FBXO9: variants seen among roughly 807,000 people sequenced by gnomAD.
FBXO9 encodes the protein F-box protein 9, also known as F-box only protein 9.
In FBXO9, 43 loss-of-function variants were observed where a neutral mutation model predicts 63.7. The ratio of observed to expected loss-of-function variants is 0.67; its 90% CI spans 0.53 to 0.87. The LOEUF is 0.87. Among genes scored for constraint, FBXO9 ranks in the 40% least tolerant of loss-of-function variants. FBXO9 has a pLI of 0.00. For missense variants in FBXO9, 442 were observed against 533.2 expected (o/e 0.83, Z 1.68); for synonymous variants, 156 against 171.7 (o/e 0.91, Z 0.72).
At chr6:53,078,974 G>A (rs1417115460) in intron 5 of FBXO9, 76 bp downstream of exon 5, 2 of 1,046,392 alleles carry the variant, frequency 1.9e-6, no homozygotes, top group Non-Finnish European at 3.0e-6. Context: ...TGACTCTTAA[G>A]ATGGTGCTAA....
At position 53,078,848 on chromosome 6, in the gene FBXO9, C is replaced by CA; in HGVS notation, c.359dup (p.Ile121AspfsTer10). 6.2e-7 allele frequency: 1 copy of CA among 1,613,828 alleles called. No homozygotes were observed. The highest frequency in any genetic ancestry group is 8.5e-7 in the Non-Finnish European group (1 of 1,179,800). ...TGCAACTTGTACCTGATATAGAGTT[C>CA]AAGATTACTTATACCCGGTCTCCAG... On this transcript the variant is annotated frameshift_variant, in exon 5 of 13. Coordinates refer to ENST00000323557, the MANE Select transcript of FBXO9 (RefSeq NM_033480.3). LOFTEE classifies it high-confidence loss of function.
chr6:53,071,461 C>A (rs1768913095), intron 2 of FBXO9, among the ~76,000 whole-genome samples: 1 of 152,062 alleles, frequency 6.6e-6, no homozygotes, highest in Admixed American at 6.5e-5. Flanking sequence ...GAAAAGGCAT[C>A]ATAAATAAAG....
At chr6:53,075,133 A>G (rs916737850) in intron 3 of FBXO9, among the ~76,000 whole-genome samples, 14 of 151,694 alleles carry the variant, frequency 9.2e-5, no homozygotes, top group Non-Finnish European at 1.9e-4. Context: ...ATTTAATTTA[A>G]TTAATTTATT....
intron 1 of FBXO9, chr6:53,066,155 G>A: frequency 1.9e-6 from 2 of 1,059,624 alleles, no homozygotes; most frequent in African/African-American, 1.7e-5. Context: ...ATTGAGGTAA[G>A]CTGTCACAGC....
At chr6:53,065,058 A>G (rs1433784117), upstream of FBXO9, 3 of 152,216 alleles carry the variant, frequency 2.0e-5, no homozygotes, top group Non-Finnish European at 4.4e-5. Context: ...CTGTTGAGAA[A>G]TTTCACTGTT....
rs535200900 is a variant in FBXO9, at chr6:53,100,474, C to G, written c.*2644C>G. ...GAGCACCATCATGTTTAATTGCCTC[C>G]TCCTGTCTTGCATTTTCCTCCCAGC... is the stretch of plus-strand genomic sequence containing the variant. On this transcript the variant is annotated 3_prime_UTR_variant, in exon 13 of 13. Coordinates refer to ENST00000323557, the MANE Select transcript of FBXO9 (RefSeq NM_033480.3). The G allele has an allele frequency of 2.6e-5, 4 of 152,188 alleles. No individual in the cohort carries two copies. The highest frequency in any genetic ancestry group is 5.9e-5 in the Non-Finnish European group (4 of 68,066). 9.4% of individuals were successfully genotyped at this position (152,188 alleles called of 1,614,324 possible).
At chr6:53,068,511 A>G (rs182110842) in intron 1 of FBXO9, among the ~76,000 whole-genome samples, 14 of 152,304 alleles carry the variant, frequency 9.2e-5, no homozygotes, top group Admixed American at 9.2e-4. Flanking sequence ...TCTTTACAAA[A>G]GCATTTACTA....
Position 53,100,446 on chromosome 6 carries a change from C to G in FBXO9, c.*2616C>G, listed in dbSNP as rs899352200. On this transcript the variant is annotated 3_prime_UTR_variant, in exon 13 of 13. Transcript: ENST00000323557. ...GAAGATATCCTCAGAGGGAATCTGGCCTGAGCACCATCATGTTTAATTGCC... is the reference window on the plus strand; with the variant it reads ...GAAGATATCCTCAGAGGGAATCTGGGCTGAGCACCATCATGTTTAATTGCC... 1 of 152,190 alleles carries G rather than the reference C, an allele frequency of 6.6e-6. No individual in the cohort carries two copies. The highest frequency in any genetic ancestry group is 1.5e-5 in the Non-Finnish European group (1 of 68,054). The allele number at this position is 152,190 out of a possible 1,614,324, so 9.4% of individuals were successfully genotyped here. A position where few individuals can be genotyped will look rare whatever the true frequency, so the allele number is the denominator to read the frequency against.
intron 7 of FBXO9, among the ~76,000 whole-genome samples, chr6:53,088,033 A>G (rs1183972361): frequency 2.0e-5 from 3 of 152,210 alleles, no homozygotes; most frequent in Non-Finnish European, 4.4e-5. Context: ...CTTTAGGACA[A>G]AAATCTACCA....
chr6:53,078,286 TCTA>T (rs1263453633), intron 4 of FBXO9, among the ~76,000 whole-genome samples: 1 of 152,086 alleles, frequency 6.6e-6, no homozygotes, highest in African/African-American at 2.4e-5. Flanking sequence ...AGATGTTGTC[TCTA>T]CAAAAAATTT....
At chr6:53,066,252 C>T in intron 1 of FBXO9, 3 of 576,470 alleles carry the variant, frequency 5.2e-6, no homozygotes, top group Non-Finnish European at 4.4e-6. Flanking sequence ...ACAGTCCCTG[C>T]CGGCACCTTG....
At chr6:53,097,242 A>G (rs1203129385) in intron 12 of FBXO9, among the ~76,000 whole-genome samples, 1 of 152,184 alleles carries the variant, frequency 6.6e-6, no homozygotes, top group Non-Finnish European at 1.5e-5. Context: ...ACATTTTAAG[A>G]AGAACCTAAT....
At chr6:53,092,254 T>C (rs909398218) in intron 7 of FBXO9, 175 bp from the exon 8 acceptor site, 13 of 554,090 alleles carry the variant, frequency 2.3e-5, no homozygotes, top group African/African-American at 2.3e-4. Context: ...CCTCTCAATT[T>C]GCTTTCCCAC....
chr6:53,077,370 G>A (rs1020911664), intron 4 of FBXO9, among the ~76,000 whole-genome samples: 1 of 148,476 alleles, frequency 6.7e-6, no homozygotes, highest in Non-Finnish European at 1.5e-5. Flanking sequence ...CTACTTGGGA[G>A]GCTGAGGCAG....
At chr6:53,094,792 G>A (rs1201537977) in intron 11 of FBXO9, 1 of 438,594 alleles carries the variant, frequency 2.3e-6, no homozygotes, top group Non-Finnish European at 4.6e-6. Context: ...GGCAGCAGCA[G>A]CCTGAGAGAC....
chr6:53,076,446 A>G, intron 3 of FBXO9, 40 bp from the exon 4 acceptor site: 1 of 1,333,428 alleles, frequency 7.5e-7, no homozygotes, highest in African/African-American at 1.5e-5. Context: ...ACTAATTTTT[A>G]ATGCAGGTTT....
intron 7 of FBXO9, chr6:53,091,397 C>G (rs1337092410): frequency 1.3e-5 from 2 of 151,512 alleles, no homozygotes; most frequent in African/African-American, 4.9e-5. Context: ...GAGACGGAGT[C>G]TCGCCCTGTC....
chr6:53,082,085 C>A (rs1422176404), intron 6 of FBXO9, among the ~76,000 whole-genome samples: 1 of 151,952 alleles, frequency 6.6e-6, no homozygotes, highest in Non-Finnish European at 1.5e-5. Flanking sequence ...AAAAGAAATT[C>A]ATGTATTTTT....
In FBXO9 at chr6:53,071,054, C is replaced by T. The variant is rs989988566; in HGVS notation, c.4-3C>T. On this transcript the variant is annotated splice_region_variant and splice_polypyrimidine_tract_variant and intron_variant, in intron 1 of 12. Coordinates refer to ENST00000323557, the MANE Select transcript of FBXO9 (RefSeq NM_033480.3). ...TGACATTATTTGGGTTTTCCCCCCT[C>T]AGGCAGAAGCTGAGGAAGATTGTCA... 6.4e-7 allele frequency: 1 copy of T among 1,568,922 alleles called. No individual in the cohort carries two copies.
Sources: gnomAD v4.1 joint callset for allele counts (sites outside exome capture counted in the v4.1 genomes callset) on GRCh38, gnomAD v4.1.1 for gene constraint, MANE v1.5 for transcripts, NCBI Gene and HGNC (gene_info 2026-07-23, HGNC 2026-07-21) for gene names.